The following GSG1L variants were observed in gnomAD, a reference collection of about 807,000 sequenced individuals.
GSG1L encodes the protein GSG1 like.
A neutral mutation model predicts 42.1 loss-of-function variants in GSG1L; 24 were observed. The ratio of observed to expected loss-of-function variants is 0.57; its 90% CI spans 0.41 to 0.80. The LOEUF (loss-of-function observed/expected upper bound fraction) is 0.80. Ranked by LOEUF, GSG1L falls within the 30% of genes least tolerant of loss-of-function variation. The pLI, the probability that GSG1L is intolerant of heterozygous loss-of-function variation, is 0.00. For missense variants in GSG1L, 445 were observed against 472.2 expected, an observed-to-expected ratio of 0.94 and a Z score of 0.53; for synonymous variants, 215 against 203.5, an observed-to-expected ratio of 1.06 and a Z score of -0.48.
chr16:27,831,641 G>T (rs2083275308), intron 4 of GSG1L, among the ~76,000 whole-genome samples: 1 of 152,136 alleles, frequency 6.6e-6, no homozygotes, highest in African/African-American at 2.4e-5. Flanking sequence ...GAGAGAGGGG[G>T]TTTGCTAGAG....
chr16:27,888,510 T>TC (rs1163138756), intron 2 of GSG1L, among the ~76,000 whole-genome samples: 2 of 13,424 alleles, frequency 1.5e-4, no homozygotes, highest in African/African-American at 2.2e-4. Flanking sequence ...TTTCTTTCTT[T>TC]CTTTCTTTCT....
rs1300437115 is a variant in GSG1L at position 27,791,142 on chromosome 16, A to G, written c.*228T>C. The G allele has an allele frequency of 2.6e-6, 1 of 380,276 alleles. No homozygotes were observed. The highest frequency in any genetic ancestry group is 4.7e-6 in the Non-Finnish European group (1 of 214,680). The allele number at this position is 380,276 out of a possible 1,614,324, so 23.6% of individuals were successfully genotyped here. A position where few individuals can be genotyped will look rare whatever the true frequency, so the allele number is the denominator to read the frequency against. On this transcript the variant is annotated 3_prime_UTR_variant, in exon 7 of 7. Coordinates refer to ENST00000447459, the MANE Select transcript of GSG1L (RefSeq NM_001109763.2). ...GGCAAGAGTCCGGGGCTGCTGTCCCAAAGTCACTCTGTGCAGCCCTGTGCA... is the reference window on the plus strand; with the variant it reads ...GGCAAGAGTCCGGGGCTGCTGTCCCGAAGTCACTCTGTGCAGCCCTGTGCA...
intron 6 of GSG1L, among the ~76,000 whole-genome samples, chr16:27,792,900 C>A (rs985811935): frequency 6.6e-6 from 1 of 152,168 alleles, no homozygotes; most frequent in African/African-American, 2.4e-5. Context: ...GATGAGGGAG[C>A]CGAGGCTCTG....
intron 2 of GSG1L, among the ~76,000 whole-genome samples, chr16:27,960,294 C>T (rs575100719): frequency 1.4e-4 from 22 of 152,272 alleles, no homozygotes; most frequent in Admixed American, 2.0e-4. Context: ...ATTTTCCAGC[C>T]GTGTGGTTGC....
intron 2 of GSG1L, among the ~76,000 whole-genome samples, chr16:27,907,436 C>G (rs1393721804): frequency 6.6e-6 from 1 of 152,232 alleles, no homozygotes; most frequent in Non-Finnish European, 1.5e-5. Context: ...CCTTCCTTGA[C>G]TGTCCCTGCA....
At chr16:27,807,599 G>C (rs991050818) in intron 5 of GSG1L, 45 bp from the exon 6 acceptor site, 1 of 1,548,948 alleles carries the variant, frequency 6.5e-7, no homozygotes, top group Admixed American at 1.7e-5. Flanking sequence ...GTAGGAAAGA[G>C]AAGGATGAGT....
chr16:27,849,207 A>C lies in GSG1L; in HGVS notation c.551-4146T>G, dbSNP rs1295551415. ...AGTGAGCCTCTATCCCAAAAAGAAA[A>C]AAAAAAAAAAAAAAAAGAGAAAAGA... On this transcript the variant is annotated intron_variant, in intron 3 of 6. Coordinates refer to ENST00000447459, the MANE Select transcript of GSG1L (RefSeq NM_001109763.2). Among the ~76,000 whole-genome samples, 132 of 145,568 alleles carry C rather than the reference A, an allele frequency of 9.1e-4. 1 individual carries two copies. The highest frequency in any genetic ancestry group is 2.5e-3 in the African/African-American group (96 of 38,944).
chr16:27,948,000 G>T (rs1314192881), intron 2 of GSG1L, among the ~76,000 whole-genome samples: 1 of 152,140 alleles, frequency 6.6e-6, no homozygotes, highest in Admixed American at 6.5e-5. Context: ...ATGGTGTGAC[G>T]GCCAAAGGGG....
At chr16:27,999,368 G>C (rs2085556169) in intron 1 of GSG1L, among the ~76,000 whole-genome samples, 1 of 152,104 alleles carries the variant, frequency 6.6e-6, no homozygotes, top group South Asian at 2.1e-4. Flanking sequence ...ACTTGAACCT[G>C]GGAGGCTTCA....
In GSG1L at chr16:27,809,855, A is replaced by T. The variant is rs1419993882; in HGVS notation, c.831-2301T>A. Among the ~76,000 whole-genome samples the T allele has an allele frequency of 3.3e-5, 5 of 152,128 alleles. No homozygotes were observed. In the South Asian group the frequency reaches 8.3e-4, roughly 25 times the overall value. On this transcript the variant is annotated intron_variant, in intron 5 of 6. Coordinates refer to ENST00000447459, the MANE Select transcript of GSG1L (RefSeq NM_001109763.2). Reference sequence around the variant, plus strand: ...GCAAGGAAGGCTCAATCCTTTCCAAAACAAATGCCCTATCTCTGTTCCCTG... The same window carrying T: ...GCAAGGAAGGCTCAATCCTTTCCAATACAAATGCCCTATCTCTGTTCCCTG...
chr16:27,828,170 T>C (rs1335580529), intron 5 of GSG1L, among the ~76,000 whole-genome samples: 3 of 151,468 alleles, frequency 2.0e-5, no homozygotes, highest in Non-Finnish European at 4.4e-5. Context: ...CCCGCTCACC[T>C]GTCCAGCCAT....
At chr16:28,007,029 C>T (rs932574777) in intron 1 of GSG1L, among the ~76,000 whole-genome samples, 1 of 152,118 alleles carries the variant, frequency 6.6e-6, no homozygotes, top group Non-Finnish European at 1.5e-5. Context: ...CAGGCTCCAC[C>T]CATAGGCCCC....
intron 6 of GSG1L, among the ~76,000 whole-genome samples, chr16:27,796,218 A>G (rs148722159): frequency 6.9e-4 from 105 of 152,290 alleles, no homozygotes; most frequent in African/African-American, 2.5e-3. Context: ...GCCTCTCTCT[A>G]TAGGACTCAC....
chr16:27,857,403 G>C (rs1322975255), intron 3 of GSG1L, among the ~76,000 whole-genome samples: 1 of 150,124 alleles, frequency 6.7e-6, no homozygotes, highest in Admixed American at 6.6e-5. Flanking sequence ...ACTCCAGCCT[G>C]GGCAAGAGAG....
intron 2 of GSG1L, among the ~76,000 whole-genome samples, chr16:27,917,353 C>T (rs899599903): frequency 7.0e-6 from 1 of 143,364 alleles, no homozygotes; most frequent in African/African-American, 2.6e-5. Context: ...CAAGAAAGTG[C>T]TGTGTGCTGA....
chr16:27,808,754 C>T (rs2082996913), intron 5 of GSG1L, among the ~76,000 whole-genome samples: 1 of 152,188 alleles, frequency 6.6e-6, no homozygotes, highest in East Asian at 1.9e-4. Context: ...AGTGTTCTTC[C>T]CCACCAACAA....
At position 27,999,288 on chromosome 16, in the gene GSG1L, C is replaced by T. The variant is rs538530784; in HGVS notation, c.350-36085G>A. Among the ~76,000 whole-genome samples, 12 of 152,174 alleles carry T rather than the reference C, an allele frequency of 7.9e-5. 1 individual carries two copies. In the South Asian group the frequency reaches 1.9e-3, roughly 24 times the overall value. On this transcript the variant is annotated intron_variant, in intron 1 of 6. Transcript: ENST00000447459. ...TGAAACCCCATCTTTACTAAAAATA[C>T]AAAAATTAGTTGTGTGTGGTGGTGC...
intron 1 of GSG1L, among the ~76,000 whole-genome samples, chr16:28,030,412 A>C (rs372643529): frequency 3.9e-5 from 6 of 152,158 alleles, no homozygotes; most frequent in African/African-American, 1.2e-4. Flanking sequence ...GGGCCACTAC[A>C]TGAAGAGGAC....
Position 27,790,077 on chromosome 16 carries a change from TGATG to T in GSG1L, c.*1289_*1292del, listed in dbSNP as rs1192103779. On this transcript the variant is annotated 3_prime_UTR_variant, in exon 7 of 7. Transcript: ENST00000447459. ...GCAAATGGATGGATGAATGGATAGA[TGATG>T]GATGGATGGAAGGATGGATGAATGA... is the stretch of plus-strand genomic sequence containing the variant. 2 of 150,722 alleles carry T rather than the reference TGATG, an allele frequency of 1.3e-5. No homozygotes were observed. Among genetic ancestry groups the T allele is most frequent in the Non-Finnish European group, 3.0e-5 (2 of 67,686 alleles). The allele number at this position is 150,722 out of a possible 1,614,324, so 9.3% of individuals were successfully genotyped here.
Sources: gnomAD v4.1 joint callset for allele counts (sites outside exome capture counted in the v4.1 genomes callset) on GRCh38, gnomAD v4.1.1 for gene constraint, MANE v1.5 for transcripts, NCBI Gene and HGNC (gene_info 2026-07-23, HGNC 2026-07-21) for gene names.